Variants in GPC5 observed in about 807,000 individuals in gnomAD.
GPC5 encodes glypican-5.
Under a neutral mutation model 53.9 loss-of-function variants are expected in GPC5, and 47 were observed. The observed-to-expected ratio is 0.87, with a 90% confidence interval of 0.69 to 1.11. GPC5 has a LOEUF of 1.11. Ranked by LOEUF, GPC5 falls within the 50% of genes most tolerant of loss-of-function variation. The pLI is 0.00. For missense variants in GPC5, 748 were observed against 713.1 expected, an observed-to-expected ratio of 1.05 and a Z score of -0.56; for synonymous variants, 286 against 263.3, an observed-to-expected ratio of 1.09 and a Z score of -0.84.
At chr13:92,747,633 C>G (rs1889271463) in intron 7 of GPC5, among the ~76,000 whole-genome samples, 1 of 152,170 alleles carries the variant, frequency 6.6e-6, no homozygotes, top group Non-Finnish European at 1.5e-5. Flanking sequence ...ACACAAGTCT[C>G]TTAACGAAAC....
intron 7 of GPC5, among the ~76,000 whole-genome samples, chr13:92,522,371 A>G (rs1206082466): frequency 1.3e-5 from 2 of 152,220 alleles, no homozygotes; most frequent in Non-Finnish European, 2.9e-5. Context: ...ACCAATCCAA[A>G]TGTCCATCAA....
intron 4 of GPC5, among the ~76,000 whole-genome samples, chr13:91,736,115 T>C (rs1274324714): frequency 6.6e-6 from 1 of 151,204 alleles, no homozygotes; most frequent in Non-Finnish European, 1.5e-5. Flanking sequence ...GTATTTATAT[T>C]ATATACATTA....
chr13:91,629,824 T>A (rs2034110047), intron 2 of GPC5, among the ~76,000 whole-genome samples: 1 of 152,126 alleles, frequency 6.6e-6, no homozygotes, highest in Non-Finnish European at 1.5e-5. Context: ...GGTACATTCA[T>A]GCAAAAATGA....
At chr13:91,992,630 G>A (rs550086330) in intron 6 of GPC5, among the ~76,000 whole-genome samples, 1 of 151,558 alleles carries the variant, frequency 6.6e-6, no homozygotes, top group African/African-American at 2.4e-5. Flanking sequence ...GCTAATTTTT[G>A]TATTTTTAGT....
At chr13:91,473,317 G>A (rs12865673) in intron 2 of GPC5, among the ~76,000 whole-genome samples, 21 of 152,106 alleles carry the variant, frequency 1.4e-4, no homozygotes, top group Middle Eastern at 6.8e-3. Flanking sequence ...TCAAGGCCCT[G>A]TTCCCATCTA....
At chr13:92,480,740 C>T (rs1313296381) in intron 7 of GPC5, among the ~76,000 whole-genome samples, 1 of 91,538 alleles carries the variant, frequency 1.1e-5, no homozygotes, top group Non-Finnish European at 2.3e-5. Flanking sequence ...AATTTGTTGC[C>T]TTACAGTCAG....
intron 6 of GPC5, among the ~76,000 whole-genome samples, chr13:92,020,609 C>T (rs2040749201): frequency 6.6e-6 from 1 of 151,336 alleles, no homozygotes; most frequent in African/African-American, 2.4e-5. Flanking sequence ...ATTTATATAC[C>T]TGTTGGCCAT....
At chr13:91,413,439 T>C (rs750449120) in intron 1 of GPC5, among the ~76,000 whole-genome samples, 24 of 152,168 alleles carry the variant, frequency 1.6e-4, no homozygotes, top group Non-Finnish European at 3.1e-4. Flanking sequence ...GTAGATAGCA[T>C]TGGAGAATAG....
chr13:92,563,348 T>C (rs951206051), intron 7 of GPC5, among the ~76,000 whole-genome samples: 7 of 152,052 alleles, frequency 4.6e-5, no homozygotes, highest in African/African-American at 1.7e-4. Flanking sequence ...TAATAGTTTT[T>C]AAAAGAAACA....
At chr13:92,288,348 T>G (rs1208682256) in intron 7 of GPC5, among the ~76,000 whole-genome samples, 1 of 152,192 alleles carries the variant, frequency 6.6e-6, no homozygotes. Flanking sequence ...TTGAACATTT[T>G]GGATTTTGTA....
intron 7 of GPC5, among the ~76,000 whole-genome samples, chr13:92,471,894 C>G (rs1878927943): frequency 6.6e-6 from 1 of 152,224 alleles, no homozygotes; most frequent in South Asian, 2.1e-4. Context: ...TGTTCCCAGA[C>G]TCGCCACAAT....
At chr13:92,630,490 T>C (rs1566330610) in intron 7 of GPC5, among the ~76,000 whole-genome samples, 1 of 152,154 alleles carries the variant, frequency 6.6e-6, no homozygotes, top group Admixed American at 6.5e-5. Context: ...TAGTAACTAT[T>C]TGAAAATTAA....
At chr13:92,242,685 T>A (rs1566501014) in intron 7 of GPC5, among the ~76,000 whole-genome samples, 1 of 152,148 alleles carries the variant, frequency 6.6e-6, no homozygotes, top group Non-Finnish European at 1.5e-5. Context: ...ATGTCAGATA[T>A]CATTCAGAAA....
chr13:92,390,348 G>T (rs1437355531), intron 7 of GPC5, among the ~76,000 whole-genome samples: 1 of 152,094 alleles, frequency 6.6e-6, no homozygotes, highest in Non-Finnish European at 1.5e-5. Context: ...AATACGGTTT[G>T]TGGGCACGTT....
chr13:92,141,281 G>T (rs183250534), intron 6 of GPC5, among the ~76,000 whole-genome samples: 51 of 152,262 alleles, frequency 3.3e-4, no homozygotes, highest in Non-Finnish European at 2.1e-4. Context: ...AGGAAAGGGA[G>T]ATATTGACCC....
intron 7 of GPC5, among the ~76,000 whole-genome samples, chr13:92,438,059 C>A (rs1877387777): frequency 6.6e-6 from 1 of 151,902 alleles, no homozygotes; most frequent in Non-Finnish European, 1.5e-5. Flanking sequence ...TATCTTCAAC[C>A]CACCCTCCAG....
intron 7 of GPC5, among the ~76,000 whole-genome samples, chr13:92,680,633 C>G (rs932080717): frequency 1.3e-5 from 2 of 152,080 alleles, no homozygotes; most frequent in African/African-American, 2.4e-5. Flanking sequence ...GTAATTAGCA[C>G]AATGCACCTA....
intron 7 of GPC5, among the ~76,000 whole-genome samples, chr13:92,803,875 C>T (rs559617864): frequency 1.3e-4 from 20 of 152,024 alleles, no homozygotes; most frequent in African/African-American, 4.3e-4. Flanking sequence ...CTTCACTTCT[C>T]CCCCAGAAAG....
At chr13:91,776,942 A>G (rs951140668) in intron 5 of GPC5, among the ~76,000 whole-genome samples, 1 of 152,206 alleles carries the variant, frequency 6.6e-6, no homozygotes, top group African/African-American at 2.4e-5. Flanking sequence ...AAGCTCTTTT[A>G]GCTCCTGCCA....
Sources: allele counts gnomAD v4.1 joint callset (sites outside exome capture counted in the v4.1 genomes callset), GRCh38; gene constraint gnomAD v4.1.1; transcripts MANE v1.5; gene names NCBI Gene and HGNC (gene_info 2026-07-23, HGNC 2026-07-21).